Variants in AK5 observed in about 807,000 individuals in gnomAD.
The protein encoded by AK5 is adenylate kinase isoenzyme 5.
Under a neutral mutation model 69.5 loss-of-function variants are expected in AK5, and 27 were observed. The ratio of observed to expected loss-of-function variants is 0.39; its 90% confidence interval spans 0.29 to 0.54. The LOEUF (loss-of-function observed/expected upper bound fraction) is 0.54. Ranked by LOEUF, AK5 falls within the 20% of genes least tolerant of loss-of-function variation. AK5 has a pLI of 0.71. For missense variants in AK5, 531 were observed against 700.4 expected (o/e 0.76, Z 2.73); for synonymous variants, 260 against 244.4 (o/e 1.06, Z -0.60).
chr1:77,474,559 G>C (rs1654724538), intron 8 of AK5, among the ~76,000 whole-genome samples: 1 of 152,212 alleles, frequency 6.6e-6, no homozygotes, highest in African/African-American at 2.4e-5. Context: ...TGATCAAGAA[G>C]TGCTTCAGGC....
chr1:77,508,235 A>G (rs1340942751), intron 10 of AK5, among the ~76,000 whole-genome samples: 1 of 152,180 alleles, frequency 6.6e-6, no homozygotes, highest in Non-Finnish European at 1.5e-5. Flanking sequence ...CTATTCATCC[A>G]TCAGTACATC....
At chr1:77,436,845 A>G (rs930698758) in intron 8 of AK5, among the ~76,000 whole-genome samples, 79 of 152,232 alleles carry the variant, frequency 5.2e-4, no homozygotes, top group African/African-American at 1.8e-3. Flanking sequence ...ACTATTAAGC[A>G]TTCCTCACCC....
At chr1:77,316,228 C>T (rs536169105) in intron 5 of AK5, among the ~76,000 whole-genome samples, 1 of 152,018 alleles carries the variant, frequency 6.6e-6, no homozygotes, top group African/African-American at 2.4e-5. Context: ...AAGGTTGTGG[C>T]CCTGGAGCAA....
At chr1:77,354,878 G>GA (rs1219549497) in intron 6 of AK5, among the ~76,000 whole-genome samples, 7 of 151,968 alleles carry the variant, frequency 4.6e-5, no homozygotes, top group Non-Finnish European at 7.4e-5. Flanking sequence ...TTTTTGTAAA[G>GA]AAAAAATCTT....
intron 2 of AK5, among the ~76,000 whole-genome samples, chr1:77,291,065 G>T (rs1658658865): frequency 6.6e-6 from 1 of 152,166 alleles, no homozygotes; most frequent in South Asian, 2.1e-4. Context: ...AGCTAGAGAA[G>T]GATGAAAGAG....
chr1:77,489,761 A>G (rs1307011110), intron 10 of AK5, among the ~76,000 whole-genome samples: 3 of 152,184 alleles, frequency 2.0e-5, no homozygotes, highest in Non-Finnish European at 4.4e-5. Flanking sequence ...TAACATATCC[A>G]TTAGATCCTT....
At position 77,314,632 on chromosome 1, in the gene AK5, T is replaced by A. The variant is rs186293519; in HGVS notation, c.699+16685T>A. 1.1e-4 allele frequency: 16 copies of A among 152,280 alleles called. No homozygotes were observed. The Middle Eastern group carries it at 0.014, about 129-fold the overall frequency. 9.4% of individuals were successfully genotyped at this position (152,280 alleles called of 1,614,324 possible). A position where few individuals can be genotyped will look rare whatever the true frequency, so the allele number is the denominator to read the frequency against. ...CATCATCTCAAACATTTATCATTTC[T>A]TTATGTTGGGAACATTCAATATCCT... On this transcript the variant is annotated intron_variant, in intron 5 of 13. Coordinates refer to ENST00000354567, the MANE Select transcript of AK5 (RefSeq NM_174858.3).
chr1:77,473,199 G>GTT (rs1293111414), intron 8 of AK5, among the ~76,000 whole-genome samples: 3 of 150,704 alleles, frequency 2.0e-5, no homozygotes, highest in African/African-American at 7.4e-5. Flanking sequence ...AGCTTCTTGG[G>GTT]GTTTTTTTTT....
intron 6 of AK5, among the ~76,000 whole-genome samples, chr1:77,398,326 G>C (rs1259344071): frequency 1.3e-5 from 2 of 152,064 alleles, no homozygotes; most frequent in Non-Finnish European, 2.9e-5. Context: ...TCTGTAGCAG[G>C]GAGACACTCG....
At chr1:77,333,659 T>TTA (rs1448816161) in intron 5 of AK5, among the ~76,000 whole-genome samples, 5 of 152,238 alleles carry the variant, frequency 3.3e-5, no homozygotes, top group African/African-American at 1.2e-4. Context: ...CTGCCTGTCC[T>TTA]TGTAAATAAG....
chr1:77,336,376 G>A (rs1457037361), intron 5 of AK5, among the ~76,000 whole-genome samples: 1 of 152,044 alleles, frequency 6.6e-6, no homozygotes, highest in Admixed American at 6.6e-5. Context: ...CACTGTACCT[G>A]GCCATAACCC....
chr1:77,392,671 T>G (rs1375791792), intron 6 of AK5, among the ~76,000 whole-genome samples: 1 of 152,150 alleles, frequency 6.6e-6, no homozygotes, highest in South Asian at 2.1e-4. Flanking sequence ...CGCACATTCA[T>G]AATAATAGTT....
chr1:77,288,491 C>T (rs1658489770), intron 2 of AK5, among the ~76,000 whole-genome samples: 1 of 152,064 alleles, frequency 6.6e-6, no homozygotes, highest in Admixed American at 6.5e-5. Flanking sequence ...AGTTGCTTAA[C>T]CTTATTAGTC....
intron 5 of AK5, among the ~76,000 whole-genome samples, chr1:77,320,464 C>T (rs935584119): frequency 6.6e-6 from 1 of 152,072 alleles, no homozygotes; most frequent in Non-Finnish European, 1.5e-5. Context: ...AAAGGTATAA[C>T]CAAGCCAGGT....
At chr1:77,511,668 C>T (rs752435075) in intron 10 of AK5, among the ~76,000 whole-genome samples, 1 of 152,174 alleles carries the variant, frequency 6.6e-6, no homozygotes, top group Non-Finnish European at 1.5e-5. Context: ...ACTCAGTTGG[C>T]TCAGTTTTTG....
Position 77,286,388 on chromosome 1 carries a change from T to G in AK5, c.61-553T>G, listed in dbSNP as rs544872609. Among the ~76,000 whole-genome samples, 6 of 149,714 alleles carry G rather than the reference T, an allele frequency of 4.0e-5. No homozygotes were observed. The South Asian group carries it at 1.3e-3, about 32-fold the overall frequency. On this transcript the variant is annotated intron_variant, in intron 1 of 13. Coordinates refer to ENST00000354567, the MANE Select transcript of AK5 (RefSeq NM_174858.3). The stretch of plus-strand genomic sequence containing the variant: ...AAACTATCTAGTTGCCTGAATTGCT[T>G]AAGAGGCAGAGAATGCTGAACTGAA...
At chr1:77,428,450 GAAAAACCAAAACCA>G (rs1651360977) in intron 8 of AK5, among the ~76,000 whole-genome samples, 5 of 152,148 alleles carry the variant, frequency 3.3e-5, no homozygotes, top group Admixed American at 1.3e-4. Flanking sequence ...CCCATAGGAT[GAAAAACCAAAACCA>G]AAAACACTGA....
chr1:77,355,012 T>C (rs1662418539), intron 6 of AK5, among the ~76,000 whole-genome samples: 1 of 152,240 alleles, frequency 6.6e-6, no homozygotes, highest in Non-Finnish European at 1.5e-5. Flanking sequence ...TCACTTGATA[T>C]ATACTTGATA....
chr1:77,305,680 T>G (rs1228720791), intron 5 of AK5, among the ~76,000 whole-genome samples: 1 of 152,188 alleles, frequency 6.6e-6, no homozygotes, highest in Non-Finnish European at 1.5e-5. Flanking sequence ...CTGGGTTCTC[T>G]ATTGTGTTTG....
Sources: allele counts gnomAD v4.1 joint callset (sites outside exome capture counted in the v4.1 genomes callset), GRCh38; gene constraint gnomAD v4.1.1; transcripts MANE v1.5; gene names NCBI Gene and HGNC (gene_info 2026-07-23, HGNC 2026-07-21).